GPM6A: variants seen among roughly 807,000 people sequenced by gnomAD.
GPM6A encodes the protein glycoprotein M6A.
In GPM6A, 7 loss-of-function variants were observed where a neutral mutation model predicts 32.1. The observed-to-expected ratio is 0.22, with a 90% CI of 0.12 to 0.41. GPM6A has a LOEUF of 0.41. GPM6A is among the 10% of genes least tolerant of loss of function. The probability of loss-of-function intolerance (pLI) is 1.00; values close to 1 mark genes in which losing one functional copy is unlikely to be tolerated. For missense variants in GPM6A, 235 were observed against 347.2 expected (o/e 0.68, Z 2.57); for synonymous variants, 130 against 123.4 (o/e 1.05, Z -0.35).
At chr4:175,660,224 C>T (rs1480827802) in intron 3 of GPM6A, among the ~76,000 whole-genome samples, 1 of 151,862 alleles carries the variant, frequency 6.6e-6, no homozygotes, top group Non-Finnish European at 1.5e-5. Flanking sequence ...ATGTTGAAAC[C>T]CCGTCTCTAC....
At chr4:175,958,603 A>G (rs563595185) in intron 1 of GPM6A, among the ~76,000 whole-genome samples, 1 of 152,350 alleles carries the variant, frequency 6.6e-6, no homozygotes, top group Non-Finnish European at 1.5e-5. Context: ...AAGTTTCCTC[A>G]GATCTCTAGA....
At chr4:175,914,588 G>T (rs940295904) in intron 1 of GPM6A, among the ~76,000 whole-genome samples, 21 of 152,216 alleles carry the variant, frequency 1.4e-4, no homozygotes, top group African/African-American at 4.8e-4. Context: ...CTCCCAAAGT[G>T]CTGGAATTAC....
At chr4:175,739,674 C>A (rs953524208) in intron 1 of GPM6A, among the ~76,000 whole-genome samples, 10 of 152,000 alleles carry the variant, frequency 6.6e-5, no homozygotes, top group Non-Finnish European at 1.5e-4. Context: ...TCTATAATAG[C>A]AAACCTCAAA....
At chr4:175,997,659 G>A (rs1321315178) in intron 1 of GPM6A, among the ~76,000 whole-genome samples, 1 of 151,732 alleles carries the variant, frequency 6.6e-6, no homozygotes, top group African/African-American at 2.4e-5. Context: ...TAACTGTCTC[G>A]AGGGTGTCAT....
intron 1 of GPM6A, among the ~76,000 whole-genome samples, chr4:175,911,828 T>C (rs894864872): frequency 1.9e-4 from 29 of 151,820 alleles, no homozygotes; most frequent in African/African-American, 6.8e-4. Context: ...GAAAGAAGAG[T>C]GAGTAAACTT....
intron 1 of GPM6A, among the ~76,000 whole-genome samples, chr4:175,793,132 G>A (rs113425595): frequency 2.5e-3 from 387 of 152,198 alleles, no homozygotes; most frequent in Middle Eastern, 6.8e-3. Context: ...TAGTACAGAT[G>A]AGCCTACTAT....
intron 1 of GPM6A, among the ~76,000 whole-genome samples, chr4:175,874,444 G>A (rs1161819450): frequency 6.6e-6 from 1 of 152,130 alleles, no homozygotes; most frequent in East Asian, 1.9e-4. Flanking sequence ...TGTTGATATT[G>A]GGAGAGTTCC....
chr4:175,724,888 C>A lies in GPM6A; in HGVS notation c.38-23121G>T, dbSNP rs911277660. Among the ~76,000 whole-genome samples, 14 of 152,202 alleles carry A rather than the reference C, an allele frequency of 9.2e-5. No individual in the cohort carries two copies. In the East Asian group the frequency reaches 1.8e-3, roughly 19 times the overall value. ...CCTCACCTTCTACTTCACTCTCTCTCCCTCACTCTGCCATACTCTCCTCCT... is the reference window on the plus strand; with the variant it reads ...CCTCACCTTCTACTTCACTCTCTCTACCTCACTCTGCCATACTCTCCTCCT... On this transcript the variant is annotated intron_variant, in intron 1 of 6. Coordinates refer to ENST00000393658, the MANE Select transcript of GPM6A (RefSeq NM_201591.3).
rs919960155 is a variant in GPM6A, at chr4:175,995,377, A to T, written c.-23+6932T>A. ...TTGCTGCTTGATCCTTTCAATTTGTAAAAAAAAAAAAAAAAAAAAAAAGCA... is the reference window on the plus strand; with the variant it reads ...TTGCTGCTTGATCCTTTCAATTTGTTAAAAAAAAAAAAAAAAAAAAAAGCA... On this transcript the variant is annotated intron_variant, in intron 1 of 7. Transcript: ENST00000280187. 4.1e-3 allele frequency among the ~76,000 whole-genome samples: 269 copies of T among 65,768 alleles called. 3 individuals are homozygous for T. Among genetic ancestry groups the T allele is most frequent in the African/African-American group, 0.018 (254 of 14,188 alleles). 43.1% of individuals were successfully genotyped at this position (65,768 alleles called of 152,430 possible). A position where few individuals can be genotyped will look rare whatever the true frequency, so the allele number is the denominator to read the frequency against.
intron 1 of GPM6A, among the ~76,000 whole-genome samples, chr4:175,772,628 G>GA (rs929897087): frequency 9.3e-5 from 14 of 151,040 alleles, no homozygotes; most frequent in Admixed American, 4.6e-4. Flanking sequence ...GAGGAAAGAG[G>GA]AAAAAAAAAT....
chr4:175,815,833 T>G (rs529132141), upstream of GPM6A, among the ~76,000 whole-genome samples: 1 of 150,270 alleles, frequency 6.7e-6, no homozygotes, highest in African/African-American at 2.4e-5. Context: ...TTCTCCTGCC[T>G]CAGCCTCCCA....
At chr4:175,764,543 T>C (rs1248578643) in intron 1 of GPM6A, among the ~76,000 whole-genome samples, 4 of 152,120 alleles carry the variant, frequency 2.6e-5, no homozygotes, top group Non-Finnish European at 4.4e-5. Context: ...AAAATAAGAA[T>C]ACAAGATTTG....
intron 1 of GPM6A, among the ~76,000 whole-genome samples, chr4:175,947,144 C>A (rs936361698): frequency 2.0e-5 from 3 of 151,318 alleles, no homozygotes; most frequent in Non-Finnish European, 2.9e-5. Context: ...TTTTCAGAAA[C>A]TGAGTGCTGT....
chr4:175,661,369 A>C (rs906050139), intron 3 of GPM6A, among the ~76,000 whole-genome samples: 1 of 148,514 alleles, frequency 6.7e-6, no homozygotes, highest in Admixed American at 6.8e-5. Flanking sequence ...CAGGAGGTGG[A>C]GGTTTCAGTG....
intron 3 of GPM6A, among the ~76,000 whole-genome samples, chr4:175,671,205 A>G (rs1162612448): frequency 1.3e-5 from 2 of 151,998 alleles, no homozygotes; most frequent in South Asian, 2.1e-4. Flanking sequence ...TATAATTTCA[A>G]TTAGTAACCA....
chr4:175,871,269 G>A (rs1202566867), intron 1 of GPM6A, among the ~76,000 whole-genome samples: 3 of 151,994 alleles, frequency 2.0e-5, no homozygotes, highest in Non-Finnish European at 1.5e-5. Flanking sequence ...AGGAGCTCGA[G>A]ACCAGCCTGG....
At chr4:175,823,974 C>A (rs1484278479) in intron 1 of GPM6A, among the ~76,000 whole-genome samples, 1 of 152,194 alleles carries the variant, frequency 6.6e-6, no homozygotes, top group Non-Finnish European at 1.5e-5. Flanking sequence ...TATGATTTTA[C>A]ACATTGTTCC....
At chr4:175,648,012 T>G (rs1741568945) in intron 4 of GPM6A, among the ~76,000 whole-genome samples, 1 of 152,202 alleles carries the variant, frequency 6.6e-6, no homozygotes, top group Non-Finnish European at 1.5e-5. Flanking sequence ...GGATAAATAT[T>G]GATAAATATG....
At chr4:175,879,057 A>T (rs1737181516) in intron 1 of GPM6A, among the ~76,000 whole-genome samples, 1 of 152,200 alleles carries the variant, frequency 6.6e-6, no homozygotes, top group Non-Finnish European at 1.5e-5. Context: ...CTTTTGCTAA[A>T]GCATAGCAAG....
Sources: gnomAD v4.1 joint callset for allele counts (sites outside exome capture counted in the v4.1 genomes callset) on GRCh38, gnomAD v4.1.1 for gene constraint, MANE v1.5 for transcripts, NCBI Gene and HGNC (gene_info 2026-07-23, HGNC 2026-07-21) for gene names.